Variants in HDAC9 observed in about 807,000 individuals in gnomAD.
The protein encoded by HDAC9 is histone deacetylase 9, also known as MEF-2 interacting transcription repressor (MITR) protein.
HDAC9 carries 41 observed loss-of-function variants against 139.4 expected under a neutral mutation model. That is an observed-to-expected ratio of 0.29 (90% confidence interval 0.23 to 0.38). HDAC9 has a LOEUF of 0.38. Among genes scored for constraint, HDAC9 ranks in the 10% least tolerant of loss-of-function variants. HDAC9 has a pLI of 1.00. For missense variants in HDAC9, 1,147 were observed against 1,297.0 expected (o/e 0.88, Z 1.78); for synonymous variants, 517 against 476.2 (o/e 1.09, Z -1.12).
At chr7:18,217,490 T>C (rs1792402325) in intron 2 of HDAC9, among the ~76,000 whole-genome samples, 1 of 152,188 alleles carries the variant, frequency 6.6e-6, no homozygotes, top group South Asian at 2.1e-4. Flanking sequence ...TTAGCTTTCT[T>C]ATTTTCTCTT....
chr7:18,244,768 A>G (rs1317026273), intron 2 of HDAC9, among the ~76,000 whole-genome samples: 1 of 152,076 alleles, frequency 6.6e-6, no homozygotes, highest in African/African-American at 2.4e-5. Context: ...ACTGCACTCC[A>G]GCCTGTGCGA....
At chr7:18,377,532 C>T (rs962776457) in intron 1 of HDAC9, among the ~76,000 whole-genome samples, 2 of 152,176 alleles carry the variant, frequency 1.3e-5, no homozygotes, top group African/African-American at 4.8e-5. Context: ...CATATATGCG[C>T]ATGACACTTG....
intron 24 of HDAC9, among the ~76,000 whole-genome samples, chr7:18,959,122 G>T (rs1306229383): frequency 1.3e-5 from 2 of 152,200 alleles, no homozygotes; most frequent in East Asian, 3.9e-4. Context: ...GCATGGCATG[G>T]TGGGCGCCAG....
intron 14 of HDAC9, among the ~76,000 whole-genome samples, chr7:18,750,721 C>T (rs1272758482): frequency 6.6e-6 from 1 of 152,100 alleles, no homozygotes; most frequent in Non-Finnish European, 1.5e-5. Flanking sequence ...CTATGCAATC[C>T]CATATGGAGT....
In HDAC9 at chr7:18,935,918, T is replaced by G. The variant is rs1387615689; in HGVS notation, c.2913T>G (p.Cys971Trp). The change falls in exon 23 of 26, where the codon TGT (cysteine) becomes TGG (tryptophan). Residue 971 changes from cysteine to tryptophan, a missense_variant. Around this residue, in one of 7 missense-constraint regions of HDAC9, gnomAD observed 407 missense variants for 521.5 expected, o/e 0.78. Transcript: ENST00000686413. ...CCATCTGTGATGCATCAGAAGCCTG[T>G]GTAAATGCCCTTCTAGGAAATGAGG... Reference protein sequence around the residue: ...LTAICDASEACVNALLGNELE... With the variant: ...LTAICDASEAWVNALLGNELE... 1 of 1,613,424 alleles carries G rather than the reference T, an allele frequency of 6.2e-7. No individual in the cohort carries two copies. The highest frequency in any genetic ancestry group is 8.5e-7 in the Non-Finnish European group (1 of 1,179,524).
At chr7:18,340,342 T>A (rs942494549) in intron 1 of HDAC9, among the ~76,000 whole-genome samples, 2 of 151,594 alleles carry the variant, frequency 1.3e-5, no homozygotes, top group Non-Finnish European at 3.0e-5. Context: ...AATTGGAATG[T>A]TTAGACCATA....
intron 25 of HDAC9, among the ~76,000 whole-genome samples, chr7:18,995,241 G>C (rs895231581): frequency 6.6e-6 from 1 of 152,072 alleles, no homozygotes; most frequent in Non-Finnish European, 1.5e-5. Context: ...CAATTCACCC[G>C]GCATCTCATA....
intron 2 of HDAC9, among the ~76,000 whole-genome samples, chr7:18,533,626 T>C (rs1343835644): frequency 6.6e-6 from 1 of 152,184 alleles, no homozygotes; most frequent in African/African-American, 2.4e-5. Flanking sequence ...GGTTCTAAAA[T>C]TGTATAACAG....
chr7:18,693,722 C>T (rs552370277), intron 12 of HDAC9, among the ~76,000 whole-genome samples: 3 of 152,060 alleles, frequency 2.0e-5, no homozygotes, highest in African/African-American at 7.2e-5. Flanking sequence ...CGGAAGTGAC[C>T]CAGCCTCTGA....
chr7:18,987,512 A>G (rs1012233828), intron 25 of HDAC9, among the ~76,000 whole-genome samples: 4 of 152,184 alleles, frequency 2.6e-5, no homozygotes, highest in South Asian at 2.1e-4. Flanking sequence ...CATCAAGGCT[A>G]TTGGTCTAAA....
At position 18,736,346 on chromosome 7, in the gene HDAC9, ATTCAG is replaced by A. The variant is rs1184967811; in HGVS notation, c.1909+8591_1909+8595del. On this transcript the variant is annotated intron_variant, in intron 13 of 25. Transcript: ENST00000686413. ...AAGGGAATGCTTCCAGTTTTTGCCC[ATTCAG>A]TATGATACTGGCTGTGGGTTTGTCA... 2.0e-5 allele frequency among the ~76,000 whole-genome samples: 3 copies of A among 152,208 alleles called. No individual in the cohort carries two copies. In the East Asian group the frequency reaches 5.8e-4, roughly 29 times the overall value.
chr7:18,218,192 C>G (rs1329203874), intron 2 of HDAC9, among the ~76,000 whole-genome samples: 4 of 152,138 alleles, frequency 2.6e-5, no homozygotes, highest in Non-Finnish European at 1.5e-5. Context: ...GCCTATAATT[C>G]TAGCAGTTTG....
chr7:18,502,498 T>G (rs556792750), intron 2 of HDAC9: 1 of 152,166 alleles, frequency 6.6e-6, no homozygotes, highest in African/African-American at 2.4e-5. Flanking sequence ...TGATAAGAAG[T>G]TTCTTCTTTG....
At chr7:18,587,392 A>G (rs539249377) in intron 3 of HDAC9, among the ~76,000 whole-genome samples, 1 of 152,364 alleles carries the variant, frequency 6.6e-6, no homozygotes, top group African/African-American at 2.4e-5. Flanking sequence ...CTTAGAAACC[A>G]AAGACATAAT....
At chr7:18,501,185 G>A (rs1798262029) in intron 2 of HDAC9, among the ~76,000 whole-genome samples, 1 of 152,054 alleles carries the variant, frequency 6.6e-6, no homozygotes, top group Admixed American at 6.6e-5. Flanking sequence ...AAAGTAACGA[G>A]GGAACACTGA....
chr7:18,438,074 TTATA>T (rs942721678), intron 1 of HDAC9, among the ~76,000 whole-genome samples: 1 of 150,300 alleles, frequency 6.7e-6, no homozygotes, highest in East Asian at 1.9e-4. Flanking sequence ...TATATAAAGT[TTATA>T]TATATAATAA....
At chr7:18,408,871 T>A (rs1788265032) in intron 1 of HDAC9, among the ~76,000 whole-genome samples, 1 of 152,120 alleles carries the variant, frequency 6.6e-6, no homozygotes, top group Admixed American at 6.5e-5. Flanking sequence ...ATGACACAGA[T>A]CTACAGCACA....
intron 1 of HDAC9, among the ~76,000 whole-genome samples, chr7:18,292,895 A>G (rs1272517747): frequency 6.6e-6 from 1 of 152,196 alleles, no homozygotes; most frequent in Non-Finnish European, 1.5e-5. Flanking sequence ...CATTACGGGT[A>G]CAACTGCAAA....
intron 1 of HDAC9, among the ~76,000 whole-genome samples, chr7:18,338,377 CTT>C (rs1781741366): frequency 6.6e-6 from 1 of 151,586 alleles, no homozygotes. Flanking sequence ...GTTTTTGTCT[CTT>C]TTTCCTTAAT....
Sources: gnomAD v4.1 joint callset for allele counts (sites outside exome capture counted in the v4.1 genomes callset) on GRCh38, gnomAD v4.1.1 for gene constraint, gnomAD v4.1.1 regional missense constraint, MANE v1.5 for transcripts, NCBI Gene and HGNC (gene_info 2026-07-23, HGNC 2026-07-21) for gene names.